TST: variants seen among roughly 807,000 people sequenced by gnomAD.
TST encodes epididymis secretory sperm binding protein.
TST carries 22 observed loss-of-function variants against 20.4 expected under a neutral mutation model. That is an observed-to-expected ratio of 1.08 (90% CI 0.77 to 1.54). TST has a LOEUF of 1.54. Ranked by LOEUF, TST falls within the 40% of genes most tolerant of loss-of-function variation. The pLI is 0.00. For synonymous variants in TST, 187 were observed against 173.8 expected (o/e 1.08, Z -0.60); for missense variants, 392 against 405.2 (o/e 0.97, Z 0.28).
chr22:37,011,873 T>C lies in TST; in HGVS notation c.596-548A>G, dbSNP rs77047148. ...GTCCCCATTTTACAGATGAATCCGC[T>C]GAGTCTTGGCAAAACAACACGGCTC... On this transcript the variant is annotated intron_variant, in intron 2 of 2. Transcript: ENST00000249042. 3.7e-3 allele frequency among the ~76,000 whole-genome samples: 567 copies of C among 152,274 alleles called. 4 individuals carry two copies. Among genetic ancestry groups the C allele is most frequent in the Non-Finnish European group, 7.0e-3 (477 of 68,018 alleles).
rs1271585577 is a variant in TST at position 37,018,709 on chromosome 22, C to G, written c.24G>C (p.Arg8=). 1 of 1,510,926 alleles carries G rather than the reference C, an allele frequency of 6.6e-7. No homozygotes were observed. The highest frequency in any genetic ancestry group is 1.4e-5 in the African/African-American group (1 of 72,098). The allele number at this position is 1,510,926 out of a possible 1,614,324, so 93.6% of individuals were successfully genotyped here. ...CCAGCCACTTGGTGGAGACCAGCGC[C>G]CGGTAGAGCACCTGATGAACCATGG... MVHQVLY[R]ALVSTKWLAE... is the part of the protein sequence containing the mutation. Residue 8 remains arginine (R), a synonymous_variant, in exon 2 of 3, where the codon CGG becomes CGC. Transcript: ENST00000249042.
At chr22:37,015,430 G>T (rs938174599) in intron 2 of TST, among the ~76,000 whole-genome samples, 1 of 152,220 alleles carries the variant, frequency 6.6e-6, no homozygotes, top group Non-Finnish European at 1.5e-5. Context: ...CCTCTCAGGT[G>T]AGCAGCGCTC....
chr22:37,012,051 C>A (rs1430601548), intron 2 of TST, among the ~76,000 whole-genome samples: 1 of 152,220 alleles, frequency 6.6e-6, no homozygotes, highest in Non-Finnish European at 1.5e-5. Flanking sequence ...CTCTCTGAGC[C>A]TCAGTTTCTC....
intron 2 of TST, among the ~76,000 whole-genome samples, chr22:37,015,236 T>G (rs1164295680): frequency 6.6e-6 from 1 of 152,228 alleles, no homozygotes; most frequent in African/African-American, 2.4e-5. Context: ...GCAGGGCTGC[T>G]GTAGGTGTCC....
chr22:37,016,765 G>C (rs2145899541), intron 2 of TST, among the ~76,000 whole-genome samples: 1 of 152,316 alleles, frequency 6.6e-6, no homozygotes, highest in South Asian at 2.1e-4. Flanking sequence ...TTCAACTCCA[G>C]ACCTTCAGAG....
intron 2 of TST, among the ~76,000 whole-genome samples, chr22:37,015,516 A>C (rs1922644892): frequency 6.6e-6 from 1 of 152,260 alleles, no homozygotes; most frequent in African/African-American, 2.4e-5. Flanking sequence ...ATGGAACCTC[A>C]GATCTGGCTG....
In TST at chr22:37,014,365, G is replaced by A. The variant is rs147933436; in HGVS notation, c.596-3040C>T. ...AGCCTGGGTGACAGAGCGAGACTCC[G>A]TCTCAAAAAACAAACAAACAAACAA... On this transcript the variant is annotated intron_variant, in intron 2 of 2. Coordinates refer to ENST00000249042, the MANE Select transcript of TST (RefSeq NM_003312.6). 3.3e-3 allele frequency among the ~76,000 whole-genome samples: 509 copies of A among 152,204 alleles called. 5 individuals carry two copies. The highest frequency in any genetic ancestry group is 0.012 in the African/African-American group (478 of 41,520).
At chr22:37,015,342 G>A (rs966737615) in intron 2 of TST, among the ~76,000 whole-genome samples, 1 of 152,236 alleles carries the variant, frequency 6.6e-6, no homozygotes, top group African/African-American at 2.4e-5. Flanking sequence ...TCCAAGAAGG[G>A]AGGCAAAGAA....
chr22:37,018,534 T>C lies in TST; in HGVS notation c.199A>G (p.Thr67Ala), dbSNP rs1922801636. The change falls in exon 2 of 3, where the codon ACG becomes GCG. Residue 67 changes from threonine to alanine, a missense_variant. Thr to Ala is a moderately conservative substitution (Grantham distance 58). Transcript: ENST00000249042. Reference sequence around the variant, plus strand: ...AGCATCATCTCGTAGGGCGACGCCGTGTCCCGGCACTCTTCTATGTCAAAG... The same window carrying C: ...AGCATCATCTCGTAGGGCGACGCCGCGTCCCGGCACTCTTCTATGTCAAAG... ...SFFDIEECRDTASPYEMMLPS... is the reference protein window; with the variant it reads ...SFFDIEECRDAASPYEMMLPS... 6.3e-7 allele frequency: 1 copy of C among 1,584,010 alleles called. No individual in the cohort carries two copies. The highest frequency in any genetic ancestry group is 1.8e-5 in the Admixed American group (1 of 55,476).
chr22:37,019,955 C>T (rs1922937446), upstream of TST: 2 of 678,012 alleles, frequency 2.9e-6, no homozygotes, highest in East Asian at 6.9e-5. Context: ...GGCTCCCGCG[C>T]GGGACCTGGG....
upstream of TST, chr22:37,020,043 C>G: frequency 2.7e-6 from 1 of 368,270 alleles, no homozygotes; most frequent in Non-Finnish European, 4.8e-6. Flanking sequence ...TTGGGGCGGC[C>G]TGCCGGGTGG....
In TST at chr22:37,018,553, G is replaced by A; in HGVS notation, c.180C>T (p.Asp60=). 1 of 1,572,848 alleles carries A rather than the reference G, an allele frequency of 6.4e-7. No individual in the cohort carries two copies. The highest frequency in any genetic ancestry group is 8.6e-7 in the Non-Finnish European group (1 of 1,159,118). The change falls in exon 2 of 3, where the codon GAC becomes GAT. Residue 60 remains aspartate, a synonymous_variant. Coordinates refer to ENST00000249042, the MANE Select transcript of TST (RefSeq NM_003312.6). Reference sequence around the variant, plus strand: ...ACGCCGTGTCCCGGCACTCTTCTATGTCAAAGAAAGAGGCGCCGGGTACGT... The same window carrying A: ...ACGCCGTGTCCCGGCACTCTTCTATATCAAAGAAAGAGGCGCCGGGTACGT... ...ERHVPGASFF[D]IEECRDTASP... is the part of the protein sequence containing the mutation.
At chr22:37,020,147 C>T, upstream of TST, 1 of 374,488 alleles carries the variant, frequency 2.7e-6, no homozygotes, top group East Asian at 3.8e-5. Flanking sequence ...GACAGGGAGA[C>T]GAGACCCCGC....
upstream of TST, chr22:37,019,805 G>A (rs1397072012): frequency 4.4e-6 from 5 of 1,134,762 alleles, no homozygotes; most frequent in South Asian, 8.9e-5. Context: ...ACAGCTGCGG[G>A]CGCGGGGAGG....
At chr22:37,014,819 T>C (rs1922615453) in intron 2 of TST, among the ~76,000 whole-genome samples, 1 of 152,116 alleles carries the variant, frequency 6.6e-6, no homozygotes, top group Non-Finnish European at 1.5e-5. Flanking sequence ...AGGTGTGGAT[T>C]TTTAAGGCCA....
rs141704601 is a variant in TST, at chr22:37,014,969, G to A, written c.595+3169C>T. On this transcript the variant is annotated intron_variant, in intron 2 of 2. Coordinates refer to ENST00000249042, the MANE Select transcript of TST (RefSeq NM_003312.6). ...TCAGCCAAGCTCCCAGCCCTGGGAG[G>A]GAGAGATAGGCAGAGTGGATTTTCA... is the stretch of plus-strand genomic sequence containing the variant. 7.2e-4 allele frequency among the ~76,000 whole-genome samples: 110 copies of A among 152,176 alleles called. 1 individual carries two copies. In the East Asian group the frequency reaches 0.02, roughly 28 times the overall value.
At chr22:37,015,859 TG>T (rs34040968) in intron 2 of TST, among the ~76,000 whole-genome samples, 5 of 149,724 alleles carry the variant, frequency 3.3e-5, no homozygotes, top group Non-Finnish European at 5.9e-5. Flanking sequence ...AGGAGGGGGT[TG>T]GGGGGGAAGT....
chr22:37,012,727 G>A (rs1411531467), intron 2 of TST, among the ~76,000 whole-genome samples: 4 of 152,216 alleles, frequency 2.6e-5, no homozygotes, highest in African/African-American at 9.6e-5. Flanking sequence ...CCGAGCCTCA[G>A]TCTCCCTCCT....
rs765234176 is a variant in TST at position 37,018,208 on chromosome 22, C to T, written c.525G>A (p.Lys175=). The T allele has an allele frequency of 2.5e-6, 4 of 1,613,274 alleles. No homozygotes were observed. The South Asian group carries it at 4.4e-5, about 18-fold the overall frequency. Residue 175 remains lysine, a synonymous_variant, in exon 2 of 3, where the codon AAG becomes AAA. Coordinates refer to ENST00000249042, the MANE Select transcript of TST (RefSeq NM_003312.6). Reference sequence around the variant, plus strand: ...ACCTTGAATCCACCAGCTGGAACCTCTTAGATTCAAGGTTCTCCAGCACCT... The same window carrying T: ...ACCTTGAATCCACCAGCTGGAACCTTTTAGATTCAAGGTTCTCCAGCACCT... ...YEQVLENLES[K]RFQLVDSRSQ...
Sources: allele counts gnomAD v4.1 joint callset (sites outside exome capture counted in the v4.1 genomes callset), GRCh38; gene constraint gnomAD v4.1.1; transcripts MANE v1.5; gene names NCBI Gene and HGNC (gene_info 2026-07-23, HGNC 2026-07-21).